MBOAT2: variants seen among roughly 807,000 people sequenced by gnomAD.
MBOAT2 encodes the protein membrane-bound glycerophospholipid O-acyltransferase 2.
In MBOAT2, 28 loss-of-function variants were observed where a neutral mutation model predicts 63.4. That is an observed-to-expected ratio of 0.44 (90% CI 0.33 to 0.61). The LOEUF (loss-of-function observed/expected upper bound fraction) is 0.61. MBOAT2 is among the 20% of genes least tolerant of loss of function. MBOAT2 has a pLI of 0.03. For missense variants in MBOAT2, 470 were observed against 605.8 expected (o/e 0.78, Z 2.35); for synonymous variants, 211 against 215.6 (o/e 0.98, Z 0.19).
intron 1 of MBOAT2, among the ~76,000 whole-genome samples, chr2:8,975,367 G>A (rs902574732): frequency 6.6e-6 from 1 of 152,084 alleles, no homozygotes; most frequent in African/African-American, 2.4e-5. Context: ...TGGCCTGTGA[G>A]TCTGACTTTC....
intron 2 of MBOAT2, among the ~76,000 whole-genome samples, chr2:8,944,589 C>T (rs536562583): frequency 3.3e-4 from 50 of 151,688 alleles, no homozygotes; most frequent in Non-Finnish European, 5.4e-4. Flanking sequence ...CCAAGGCAGG[C>T]CTGTAGGAGA....
At chr2:8,942,774 C>A (rs967451454) in intron 3 of MBOAT2, among the ~76,000 whole-genome samples, 1 of 152,204 alleles carries the variant, frequency 6.6e-6, no homozygotes, top group African/African-American at 2.4e-5. Context: ...CTACTCAGTT[C>A]ACTGCATCTC....
At chr2:8,927,234 C>T (rs975319975) in intron 3 of MBOAT2, among the ~76,000 whole-genome samples, 14 of 152,176 alleles carry the variant, frequency 9.2e-5, no homozygotes, top group African/African-American at 3.4e-4. Context: ...ATGGCCATTT[C>T]TCTGCCTTCT....
At chr2:8,972,249 C>CA (rs1670508264) in intron 1 of MBOAT2, among the ~76,000 whole-genome samples, 1 of 152,044 alleles carries the variant, frequency 6.6e-6, no homozygotes. Context: ...ACAAACCTGA[C>CA]AAAAACAAGA....
intron 2 of MBOAT2, among the ~76,000 whole-genome samples, chr2:8,951,507 T>C (rs1370328972): frequency 6.6e-6 from 1 of 152,172 alleles, no homozygotes. Flanking sequence ...GCCCTGCCAC[T>C]AGCTCTTCTT....
intron 3 of MBOAT2, among the ~76,000 whole-genome samples, chr2:8,910,009 A>T (rs1450147280): frequency 3.3e-5 from 5 of 152,184 alleles, no homozygotes; most frequent in Admixed American, 3.3e-4. Flanking sequence ...AGACCAGCGG[A>T]TTACAGAAGC....
intron 2 of MBOAT2, among the ~76,000 whole-genome samples, chr2:8,954,185 T>G (rs1008073962): frequency 2.0e-5 from 3 of 152,204 alleles, no homozygotes; most frequent in Admixed American, 6.5e-5. Flanking sequence ...TTTGCTTCTA[T>G]AGCCCTATAC....
At chr2:8,890,304 A>ACG (rs1663897134) in intron 4 of MBOAT2, among the ~76,000 whole-genome samples, 1 of 152,006 alleles carries the variant, frequency 6.6e-6, no homozygotes, top group East Asian at 1.9e-4. Context: ...ACACACACAC[A>ACG]CGCGCGCACG....
intron 12 of MBOAT2, among the ~76,000 whole-genome samples, chr2:8,859,865 G>A (rs1169935504): frequency 6.6e-6 from 1 of 152,140 alleles, no homozygotes; most frequent in Non-Finnish European, 1.5e-5. Context: ...AAAAGACACA[G>A]TGAAAAGGAA....
At chr2:8,994,527 A>G (rs1162181885) in intron 1 of MBOAT2, among the ~76,000 whole-genome samples, 5 of 152,196 alleles carry the variant, frequency 3.3e-5, no homozygotes, top group Non-Finnish European at 7.3e-5. Flanking sequence ...CAAAGGAGAG[A>G]GGCAGATCAG....
At chr2:8,906,307 T>C (rs1469670363) in intron 4 of MBOAT2, among the ~76,000 whole-genome samples, 4 of 152,238 alleles carry the variant, frequency 2.6e-5, no homozygotes, top group Non-Finnish European at 4.4e-5. Flanking sequence ...TTTTTAAACA[T>C]GCACTATGCT....
In MBOAT2 at chr2:8,958,594, A is replaced by C; in HGVS notation, c.124T>G (p.Phe42Val). ...QLFALLAAIW[F>V]RTYLHSSKTS... ...TTGCTTGAATGTAGATAAGTTCGAA[A>C]CCAAATGGCTGCTAGCAAGGCAAAG... Residue 42 changes from phenylalanine to valine, a missense_variant, in exon 2 of 13, where the codon TTT (phenylalanine) becomes GTT (valine). By Grantham distance (50) the Phe-to-Val change is conservative. Coordinates refer to ENST00000305997, the MANE Select transcript of MBOAT2 (RefSeq NM_138799.4). 1 of 1,610,718 alleles carries C rather than the reference A, an allele frequency of 6.2e-7. No individual in the cohort carries two copies. Among genetic ancestry groups the C allele is most frequent in the Non-Finnish European group, 8.5e-7 (1 of 1,179,066 alleles).
intron 3 of MBOAT2, among the ~76,000 whole-genome samples, chr2:8,921,295 C>G (rs1346677740): frequency 6.6e-6 from 1 of 152,138 alleles, no homozygotes; most frequent in Non-Finnish European, 1.5e-5. Flanking sequence ...TCATCACAAT[C>G]TATTTCAGAT....
chr2:8,906,038 A>G (rs1665301857), intron 4 of MBOAT2, among the ~76,000 whole-genome samples: 1 of 152,100 alleles, frequency 6.6e-6, no homozygotes, highest in African/African-American at 2.4e-5. Context: ...GCTCACTGCA[A>G]CCTCTGCCCC....
chr2:8,949,631 G>C (rs942925491), intron 2 of MBOAT2, among the ~76,000 whole-genome samples: 1 of 151,996 alleles, frequency 6.6e-6, no homozygotes, highest in African/African-American at 2.4e-5. Context: ...TGTCAATTTT[G>C]TTGACAATTA....
At chr2:8,925,226 A>C (rs1666852825) in intron 3 of MBOAT2, among the ~76,000 whole-genome samples, 1 of 152,088 alleles carries the variant, frequency 6.6e-6, no homozygotes, top group Non-Finnish European at 1.5e-5. Flanking sequence ...ACTGTTCCTC[A>C]GGGGCCATAT....
chr2:8,876,469 G>A (rs375309621), intron 7 of MBOAT2, among the ~76,000 whole-genome samples: 101 of 152,340 alleles, frequency 6.6e-4, no homozygotes, highest in African/African-American at 2.2e-3. Context: ...CAAAGTGTTA[G>A]CTATTATTAA....
intron 3 of MBOAT2, among the ~76,000 whole-genome samples, chr2:8,909,582 T>TA (rs1350074791): frequency 1.3e-5 from 2 of 151,388 alleles, no homozygotes; most frequent in African/African-American, 2.4e-5. Flanking sequence ...AACCTTTAAC[T>TA]AAAAAAAAAT....
chr2:8,904,399 C>A (rs1665185799), intron 4 of MBOAT2, among the ~76,000 whole-genome samples: 1 of 151,774 alleles, frequency 6.6e-6, no homozygotes, highest in Non-Finnish European at 1.5e-5. Context: ...GCAGCCTCAA[C>A]CTCCGAAACT....
Sources: gnomAD v4.1 joint callset for allele counts (sites outside exome capture counted in the v4.1 genomes callset) on GRCh38, gnomAD v4.1.1 for gene constraint, MANE v1.5 for transcripts, NCBI Gene and HGNC (gene_info 2026-07-23, HGNC 2026-07-21) for gene names.